BMPR1A: variants seen among roughly 807,000 people sequenced by gnomAD.
BMPR1A encodes bone morphogenetic protein receptor type-1A.
Under a neutral mutation model 66.0 loss-of-function variants are expected in BMPR1A, and 7 were observed. The observed-to-expected ratio is 0.11, with a 90% CI of 0.06 to 0.20. BMPR1A has a LOEUF of 0.20. BMPR1A is among the 10% of genes least tolerant of loss of function. The probability of loss-of-function intolerance (pLI) is 1.00; values close to 1 mark genes in which losing one functional copy is unlikely to be tolerated. For missense variants in BMPR1A, 408 were observed against 669.1 expected, an observed-to-expected ratio of 0.61 and a Z score of 4.31; for synonymous variants, 200 against 229.7, an observed-to-expected ratio of 0.87 and a Z score of 1.17.
intron 3 of BMPR1A, 128 bp downstream of exon 3, chr10:86,876,213 A>C (rs1842920126): frequency 1.2e-6 from 1 of 838,708 alleles, no homozygotes; most frequent in African/African-American, 1.7e-5. Context: ...TTAGGAAAGA[A>C]GCAAAGATGA....
intron 1 of BMPR1A, among the ~76,000 whole-genome samples, chr10:86,816,460 T>A (rs1426219836): frequency 6.6e-6 from 1 of 152,232 alleles, no homozygotes; most frequent in East Asian, 1.9e-4. Context: ...TGACAAAAGC[T>A]GGTCAGTTGA....
At chr10:86,892,088 A>C in intron 4 of BMPR1A, 39 bp from the exon 5 acceptor site, 1 of 1,531,792 alleles carries the variant, frequency 6.5e-7, no homozygotes, top group Non-Finnish European at 9.0e-7. Flanking sequence ...TTTCTATGTG[A>C]ATTTATGTTT....
chr10:86,812,460 T>C (rs1476059935), intron 1 of BMPR1A, among the ~76,000 whole-genome samples: 3 of 152,224 alleles, frequency 2.0e-5, no homozygotes, highest in Non-Finnish European at 4.4e-5. Context: ...CGATGATGAA[T>C]AGAGCTGCTC....
At chr10:86,798,640 A>G (rs1841760028) in intron 1 of BMPR1A, among the ~76,000 whole-genome samples, 2 of 152,360 alleles carry the variant, frequency 1.3e-5, no homozygotes, top group South Asian at 2.1e-4. Context: ...AGGCCTTGTA[A>G]TATCTTAAAG....
At chr10:86,810,241 A>T (rs144061484) in intron 1 of BMPR1A, among the ~76,000 whole-genome samples, 2,688 of 152,204 alleles carry the variant, frequency 0.018, 85 homozygotes, top group African/African-American at 0.062. Context: ...TCAGTCTCCC[A>T]AAGTGCTGGG....
chr10:86,869,447 A>G (rs1842825290), intron 2 of BMPR1A, among the ~76,000 whole-genome samples: 2 of 130,904 alleles, frequency 1.5e-5, no homozygotes, highest in African/African-American at 3.1e-5. Flanking sequence ...ACAGAGCAAG[A>G]CTCTGTCTCA....
At chr10:86,781,152 C>G (rs1005657923) in intron 1 of BMPR1A, among the ~76,000 whole-genome samples, 4 of 152,180 alleles carry the variant, frequency 2.6e-5, no homozygotes, top group Admixed American at 6.5e-5. Context: ...CCATGCCCGG[C>G]TCTCATTTCG....
chr10:86,806,956 C>G (rs1841896555), intron 1 of BMPR1A, among the ~76,000 whole-genome samples: 1 of 151,718 alleles, frequency 6.6e-6, no homozygotes, highest in Admixed American at 6.6e-5. Flanking sequence ...TTTTTCTTCC[C>G]TTTAAAAAAA....
intron 4 of BMPR1A, among the ~76,000 whole-genome samples, chr10:86,890,593 T>A (rs1004232750): frequency 1.3e-4 from 19 of 151,096 alleles, no homozygotes; most frequent in South Asian, 4.2e-4. Context: ...CTTTTTAATT[T>A]AAAAAAAAAT....
At chr10:86,815,728 C>T (rs552614827) in intron 1 of BMPR1A, among the ~76,000 whole-genome samples, 2 of 152,342 alleles carry the variant, frequency 1.3e-5, no homozygotes, top group East Asian at 1.9e-4. Context: ...CCCACCCACG[C>T]GGCCAAGTGC....
At chr10:86,914,020 G>T (rs906302285) in intron 8 of BMPR1A, among the ~76,000 whole-genome samples, 2 of 151,938 alleles carry the variant, frequency 1.3e-5, no homozygotes, top group Non-Finnish European at 2.9e-5. Context: ...ACTCAATAAT[G>T]ATCTCAATTT....
At chr10:86,919,815 C>T (rs751732531) in intron 10 of BMPR1A, among the ~76,000 whole-genome samples, 8 of 152,044 alleles carry the variant, frequency 5.3e-5, no homozygotes, top group Non-Finnish European at 1.2e-4. Flanking sequence ...TCAAGCAATC[C>T]TCCCACCTCA....
intron 3 of BMPR1A, among the ~76,000 whole-genome samples, chr10:86,876,629 A>G (rs1842924696): frequency 6.6e-6 from 1 of 152,044 alleles, no homozygotes; most frequent in Non-Finnish European, 1.5e-5. Flanking sequence ...CAAAAAATAC[A>G]AAAATTAGCC....
At chr10:86,892,312 G>A in intron 5 of BMPR1A, 83 bp downstream of exon 5, 2 of 1,051,686 alleles carry the variant, frequency 1.9e-6, no homozygotes, top group Non-Finnish European at 1.5e-6. Flanking sequence ...AAACATGCCT[G>A]GTGTACACAT....
intron 1 of BMPR1A, among the ~76,000 whole-genome samples, chr10:86,807,057 G>A (rs1419550292): frequency 6.6e-6 from 1 of 152,024 alleles, no homozygotes; most frequent in African/African-American, 2.4e-5. Context: ...TGTCTCTAAG[G>A]AGCCCTGGTT....
intron 5 of BMPR1A, among the ~76,000 whole-genome samples, chr10:86,896,820 A>C (rs1004609522): frequency 1.3e-5 from 2 of 152,216 alleles, no homozygotes; most frequent in African/African-American, 4.8e-5. Flanking sequence ...AAATACGTGA[A>C]GGATACGTTG....
chr10:86,884,798 G>A (rs1203530847), intron 3 of BMPR1A, among the ~76,000 whole-genome samples: 1 of 152,086 alleles, frequency 6.6e-6, no homozygotes, highest in East Asian at 1.9e-4. Context: ...GGATGACACT[G>A]CATGTCAGTA....
At chr10:86,899,370 C>T (rs1321320950) in intron 5 of BMPR1A, among the ~76,000 whole-genome samples, 2 of 152,240 alleles carry the variant, frequency 1.3e-5, no homozygotes, top group South Asian at 2.1e-4. Context: ...TGACTTCCGA[C>T]GTGGCTGGGG....
At chr10:86,872,608 A>G (rs1004390344) in intron 2 of BMPR1A, among the ~76,000 whole-genome samples, 1 of 152,052 alleles carries the variant, frequency 6.6e-6, no homozygotes, top group Non-Finnish European at 1.5e-5. Flanking sequence ...TGTGTTAGCT[A>G]TTATTTTATA....
Sources: allele counts gnomAD v4.1 joint callset (sites outside exome capture counted in the v4.1 genomes callset), GRCh38; gene constraint gnomAD v4.1.1; transcripts MANE v1.5; gene names NCBI Gene and HGNC (gene_info 2026-07-23, HGNC 2026-07-21).